ZNF618: variants seen among roughly 807,000 people sequenced by gnomAD.
The protein encoded by ZNF618 is neural precursor cell expressed, developmentally down-regulated 10.
A neutral mutation model predicts 103.0 loss-of-function variants in ZNF618; 34 were observed. The observed-to-expected ratio is 0.33, with a 90% CI of 0.25 to 0.44. ZNF618 has a LOEUF of 0.44. Ranked by LOEUF, ZNF618 falls within the 20% of genes least tolerant of loss-of-function variation. The probability of loss-of-function intolerance (pLI) is 1.00; values close to 1 mark genes in which losing one functional copy is unlikely to be tolerated. For missense variants in ZNF618, 1,059 were observed against 1,295.4 expected (o/e 0.82, Z 2.80); for synonymous variants, 551 against 542.2 (o/e 1.02, Z -0.23).
At chr9:113,997,497 G>T (rs1840735042) in intron 3 of ZNF618, among the ~76,000 whole-genome samples, 1 of 152,174 alleles carries the variant, frequency 6.6e-6, no homozygotes, top group African/African-American at 2.4e-5. Flanking sequence ...TTGCCCCTCT[G>T]GTCCTCACTT....
chr9:113,999,909 T>C (rs752782196), intron 4 of ZNF618, among the ~76,000 whole-genome samples: 1 of 151,714 alleles, frequency 6.6e-6, no homozygotes, highest in Non-Finnish European at 1.5e-5. Flanking sequence ...TGCTGAAGAG[T>C]GGGTGGAGGC....
At chr9:113,959,268 CAA>C (rs1395875287) in intron 1 of ZNF618, among the ~76,000 whole-genome samples, 1 of 150,816 alleles carries the variant, frequency 6.6e-6, no homozygotes, top group Non-Finnish European at 1.5e-5. Flanking sequence ...GCCTGGGCAA[CAA>C]GAGTGAAACT....
chr9:113,894,958 C>T (rs573869208), intron 1 of ZNF618, among the ~76,000 whole-genome samples: 1 of 152,122 alleles, frequency 6.6e-6, no homozygotes, highest in Non-Finnish European at 1.5e-5. Flanking sequence ...TTGACTAGAC[C>T]TCCTGGAACA....
chr9:113,980,938 G>A (rs1838916021), intron 2 of ZNF618, among the ~76,000 whole-genome samples: 1 of 152,198 alleles, frequency 6.6e-6, no homozygotes, highest in African/African-American at 2.4e-5. Context: ...GGACTTAACA[G>A]TTATTACCAA....
chr9:114,006,480 T>C (rs1181281210), intron 6 of ZNF618, among the ~76,000 whole-genome samples: 1 of 152,206 alleles, frequency 6.6e-6, no homozygotes, highest in African/African-American at 2.4e-5. Flanking sequence ...CGTTAGAGTG[T>C]GCCATTGTGG....
intron 10 of ZNF618, among the ~76,000 whole-genome samples, chr9:114,017,840 G>T (rs973429077): frequency 2.6e-5 from 4 of 152,168 alleles, no homozygotes; most frequent in Non-Finnish European, 5.9e-5. Flanking sequence ...GATAGGGAGG[G>T]AGAAGTATTC....
rs1187132645 is a variant in ZNF618 at position 114,054,460 on chromosome 9, A to C, written c.*4293A>C. 6.6e-6 allele frequency: 1 copy of C among 152,268 alleles called. No homozygotes were observed. Among genetic ancestry groups the C allele is most frequent in the Non-Finnish European group, 1.5e-5 (1 of 68,072 alleles). 9.4% of individuals were successfully genotyped at this position (152,268 alleles called of 1,614,324 possible). On this transcript the variant is annotated 3_prime_UTR_variant, in exon 15 of 15. Transcript: ENST00000374126. ...CCTTGGCAACAGCGGCAATGCCTCT[A>C]TCTCTGGGATGCATCTTAAGGAGGG...
At position 113,999,678 on chromosome 9, in the gene ZNF618, C is replaced by G. The variant is rs112841106; in HGVS notation, c.433+1324C>G. ...CAGTATCTACTCCACTGACTTGGGC[C>G]CCCCACTGCAGTTGGGCCAGGGTCC... On this transcript the variant is annotated intron_variant, in intron 4 of 14. Coordinates refer to ENST00000374126, the MANE Select transcript of ZNF618 (RefSeq NM_001318042.2). 1.6e-3 allele frequency among the ~76,000 whole-genome samples: 240 copies of G among 152,322 alleles called. 1 individual carries two copies. The highest frequency in any genetic ancestry group is 3.0e-3 in the Non-Finnish European group (202 of 68,018).
chr9:114,014,672 A>G (rs1460029143), intron 9 of ZNF618, among the ~76,000 whole-genome samples: 1 of 152,246 alleles, frequency 6.6e-6, no homozygotes, highest in African/African-American at 2.4e-5. Flanking sequence ...ACAAACTAAT[A>G]AAACGGAATA....
At chr9:114,031,317 A>G (rs1462607046) in intron 11 of ZNF618, among the ~76,000 whole-genome samples, 1 of 152,008 alleles carries the variant, frequency 6.6e-6, no homozygotes, top group Non-Finnish European at 1.5e-5. Context: ...CAGCCCAGGC[A>G]TTTCACAGGC....
chr9:113,967,422 C>T (rs774556011), intron 1 of ZNF618, among the ~76,000 whole-genome samples: 16 of 152,180 alleles, frequency 1.1e-4, no homozygotes, highest in Non-Finnish European at 2.1e-4. Flanking sequence ...TCTTCCTCCC[C>T]GACCTCACAT....
In ZNF618 at chr9:113,876,392, G is replaced by C; in HGVS notation, c.12G>C (p.Pro4=). The change falls in exon 1 of 15, where the codon CCG becomes CCC. Residue 4 remains proline, a synonymous_variant. Transcript: ENST00000374126. MNQ[P]GGAAAPQADG... ...TCCCGCACGGACCCATGAACCAGCCGGGCGGCGCGGCGGCTCCGCAGGTAC... is the reference window on the plus strand; with the variant it reads ...TCCCGCACGGACCCATGAACCAGCCCGGCGGCGCGGCGGCTCCGCAGGTAC... 3 of 1,198,296 alleles carry C rather than the reference G, an allele frequency of 2.5e-6. No individual in the cohort carries two copies. The highest frequency in any genetic ancestry group is 3.1e-6 in the Non-Finnish European group (3 of 966,698). The allele number at this position is 1,198,296 out of a possible 1,614,324, so 74.2% of individuals were successfully genotyped here. A position where few individuals can be genotyped will look rare whatever the true frequency, so the allele number is the denominator to read the frequency against.
At chr9:113,947,770 A>G (rs922597709) in intron 1 of ZNF618, among the ~76,000 whole-genome samples, 6 of 152,222 alleles carry the variant, frequency 3.9e-5, no homozygotes, top group Admixed American at 2.6e-4. Flanking sequence ...AAAGCAGCCA[A>G]TAAGAGTCTC....
At chr9:113,992,363 G>T (rs371493315) in intron 3 of ZNF618, among the ~76,000 whole-genome samples, 3 of 152,254 alleles carry the variant, frequency 2.0e-5, no homozygotes, top group African/African-American at 7.2e-5. Flanking sequence ...GTTATGAAGG[G>T]CCTACCACAA....
At chr9:113,891,140 G>A (rs1011464842) in intron 1 of ZNF618, among the ~76,000 whole-genome samples, 7 of 152,016 alleles carry the variant, frequency 4.6e-5, no homozygotes, top group South Asian at 2.1e-4. Flanking sequence ...TGGATTCTTC[G>A]TGTGTATGTG....
At chr9:113,885,338 TAAC>T (rs1225990807) in intron 1 of ZNF618, among the ~76,000 whole-genome samples, 1 of 152,222 alleles carries the variant, frequency 6.6e-6, no homozygotes, top group Non-Finnish European at 1.5e-5. Context: ...TGACATAAGA[TAAC>T]AAGTTTGAAA....
At chr9:114,010,565 G>A (rs912597698) in intron 9 of ZNF618, among the ~76,000 whole-genome samples, 4 of 152,002 alleles carry the variant, frequency 2.6e-5, no homozygotes, top group Non-Finnish European at 4.4e-5. Context: ...TTAGCCGGGC[G>A]TGGTGGCATG....
In ZNF618 at chr9:114,054,776, T is replaced by C. The variant is rs1387458678; in HGVS notation, c.*4609T>C. On this transcript the variant is annotated 3_prime_UTR_variant, in exon 15 of 15. Coordinates refer to ENST00000374126, the MANE Select transcript of ZNF618 (RefSeq NM_001318042.2). ...GGGGGATTTTGTTGTAGTAGTTGCT[T>C]TTCTTCCTCTCTCATTTGGGTTTGA... is the stretch of plus-strand genomic sequence containing the variant. 3.3e-5 allele frequency: 5 copies of C among 152,728 alleles called. No homozygotes were observed. The highest frequency in any genetic ancestry group is 1.2e-4 in the African/African-American group (5 of 41,466). 9.5% of individuals were successfully genotyped at this position (152,728 alleles called of 1,614,324 possible).
chr9:114,030,040 G>A (rs937863737), intron 11 of ZNF618, among the ~76,000 whole-genome samples: 2 of 152,138 alleles, frequency 1.3e-5, no homozygotes, highest in African/African-American at 2.4e-5. Flanking sequence ...GTTGTCCTCA[G>A]GAGACCAAAG....
Sources: allele counts gnomAD v4.1 joint callset (sites outside exome capture counted in the v4.1 genomes callset), GRCh38; gene constraint gnomAD v4.1.1; transcripts MANE v1.5; gene names NCBI Gene and HGNC (gene_info 2026-07-23, HGNC 2026-07-21).